The following TOP3B variants were observed in gnomAD, a reference collection of about 807,000 sequenced individuals.
The protein encoded by TOP3B is DNA topoisomerase 3-beta-1.
A neutral mutation model predicts 93.9 loss-of-function variants in TOP3B; 45 were observed. The observed-to-expected ratio is 0.48, with a 90% CI of 0.38 to 0.61. The LOEUF (loss-of-function observed/expected upper bound fraction) is 0.61. Among genes scored for constraint, TOP3B ranks in the 20% least tolerant of loss-of-function variants. The probability of loss-of-function intolerance (pLI) is 0.00; values close to 1 mark genes in which losing one functional copy is unlikely to be tolerated. For missense variants in TOP3B, 750 were observed against 1,156.1 expected (o/e 0.65, Z 5.09); for synonymous variants, 357 against 472.6 (o/e 0.76, Z 3.17).
intron 1 of TOP3B, among the ~76,000 whole-genome samples, chr22:21,979,531 C>T (rs1325973295): frequency 2.0e-5 from 3 of 152,096 alleles, no homozygotes; most frequent in Non-Finnish European, 4.4e-5. Flanking sequence ...TCAGGCTGGG[C>T]ACGGTGGTGC....
rs2071258563 is a variant in TOP3B, at chr22:21,962,995, C to A, written c.1205-102G>T. The A allele has an allele frequency of 2.1e-6, 3 of 1,427,448 alleles. No homozygotes were observed. The East Asian group carries it at 7.1e-5, about 34-fold the overall frequency. The allele number at this position is 1,427,448 out of a possible 1,614,324, so 88.4% of individuals were successfully genotyped here. ...GAGCAGCAAGCTCCTGCTTACAGAGCCGCTGTGCAGGACACACTGCAAATC... is the reference window on the plus strand; with the variant it reads ...GAGCAGCAAGCTCCTGCTTACAGAGACGCTGTGCAGGACACACTGCAAATC... On this transcript the variant is annotated intron_variant, in intron 11 of 17. Coordinates refer to ENST00000357179, the MANE Select transcript of TOP3B (RefSeq NM_001282112.2).
rs1236628451 is a variant in TOP3B at position 21,980,662 on chromosome 22, C to T, written c.-99+2068G>A. ...AATGACGACACTGTCTGCAGATGAG[C>T]TCTCTGGCCCATGACAGCTCCAGCT... On this transcript the variant is annotated intron_variant, in intron 1 of 17. Transcript: ENST00000357179. 2.6e-5 allele frequency among the ~76,000 whole-genome samples: 4 copies of T among 152,256 alleles called. No individual in the cohort carries two copies. The East Asian group carries it at 7.7e-4, about 29-fold the overall frequency.
intron 4 of TOP3B, chr22:21,972,303 C>T: frequency 2.2e-6 from 1 of 460,636 alleles, no homozygotes. Flanking sequence ...TACTTATCTG[C>T]ACTTTCTAAT....
At chr22:21,969,956 G>T in intron 6 of TOP3B, 2 of 288,160 alleles carry the variant, frequency 6.9e-6, no homozygotes, top group African/African-American at 2.4e-5. Flanking sequence ...TTTTTGTAGA[G>T]ATGGGGTCTT....
chr22:21,979,385 A>C (rs992510036), intron 1 of TOP3B, among the ~76,000 whole-genome samples: 1 of 151,978 alleles, frequency 6.6e-6, no homozygotes, highest in Admixed American at 6.5e-5. Flanking sequence ...TGACCCAGGG[A>C]GGGCAAGGGC....
rs536221449 is a variant in TOP3B at position 21,960,323 on chromosome 22, A to G, written c.1652T>C (p.Ile551Thr). 6.2e-7 allele frequency: 1 copy of G among 1,613,344 alleles called. No homozygotes were observed. Among genetic ancestry groups the G allele is most frequent in the Admixed American group, 1.7e-5 (1 of 60,006 alleles). Reference sequence around the variant, plus strand: ...GGGGGCAGGACTGAGGAACTCACCAATCTTATAGTAGCCGTGCACCAGGAC... The same window carrying G: ...GGGGGCAGGACTGAGGAACTCACCAGTCTTATAGTAGCCGTGCACCAGGAC... The part of the protein sequence containing the change: ...GIVLVHGYYK[I>T]DAELVLPTIR... Residue 551 changes from isoleucine to threonine, a missense_variant and splice_region_variant, in exon 14 of 18, where the codon ATT becomes ACT. Ile to Thr is a moderately conservative substitution (Grantham distance 89). This residue lies in a region of TOP3B where 737 missense variants were observed against 933.7 expected (regional missense o/e 0.79). Transcript: ENST00000357179.
chr22:21,980,741 G>T (rs2084612744), intron 1 of TOP3B, among the ~76,000 whole-genome samples: 1 of 152,208 alleles, frequency 6.6e-6, no homozygotes, highest in African/African-American at 2.4e-5. Flanking sequence ...GCGCCAGCAG[G>T]CTTCGGCCTA....
Position 21,961,789 on chromosome 22 carries a change from G to A in TOP3B, c.1525+640C>T, listed in dbSNP as rs954946878. On this transcript the variant is annotated intron_variant, in intron 13 of 17. Coordinates refer to ENST00000357179, the MANE Select transcript of TOP3B (RefSeq NM_001282112.2). ...CAGGGAACAGGCAGTGCCCAGCGGC[G>A]CGAGTGCCACCTGGGGAGAAGGCTC... The A allele has an allele frequency of 8.4e-4, 136 of 162,194 alleles. 1 individual carries two copies. Among genetic ancestry groups the A allele is most frequent in the African/African-American group, 2.9e-3 (123 of 41,728 alleles). 10.0% of individuals were successfully genotyped at this position (162,194 alleles called of 1,614,324 possible).
intron 1 of TOP3B, among the ~76,000 whole-genome samples, chr22:21,979,667 C>T (rs1354440768): frequency 2.7e-5 from 4 of 150,180 alleles, no homozygotes; most frequent in East Asian, 2.0e-4. Context: ...TCTGGCCGGG[C>T]GCGGTGGCTC....
At chr22:21,964,084 T>C (rs1569146395) in intron 10 of TOP3B, 56 bp from the exon 11 acceptor site, 11 of 1,603,938 alleles carry the variant, frequency 6.9e-6, no homozygotes, top group Non-Finnish European at 6.8e-6. Context: ...CCTGCCTGGG[T>C]TTGGCTGACG....
rs1270601428 is a variant in TOP3B at position 21,957,233 on chromosome 22, G to C, written c.2470C>G (p.Arg824Gly). Residue 824 changes from arginine (R) to glycine (G), a missense_variant, in exon 18 of 18, where the codon CGC (arginine) becomes GGC (glycine). Transcript: ENST00000357179. The stretch of plus-strand genomic sequence containing the variant: ...CCCTGCCTTCTCCCTGGTCCACCGC[G>C]GTGCATGGGGTGGCAGGAGGCCGCA... ...KHAASCHPMH[R>G]GGPGRRQGRG... 5 of 1,498,476 alleles carry C rather than the reference G, an allele frequency of 3.3e-6. No homozygotes were observed. The highest frequency in any genetic ancestry group is 4.5e-6 in the Non-Finnish European group (5 of 1,104,744). The allele number at this position is 1,498,476 out of a possible 1,614,324, so 92.8% of individuals were successfully genotyped here. A position where few individuals can be genotyped will look rare whatever the true frequency, so the allele number is the denominator to read the frequency against.
At chr22:21,966,789 G>A (rs552666210) in intron 8 of TOP3B, 192 of 152,522 alleles carry the variant, frequency 1.3e-3, no homozygotes, top group Non-Finnish European at 2.3e-3. Flanking sequence ...AGATGTGGGT[G>A]CTAACAGAGG....
rs1341694900 is a variant in TOP3B, at chr22:21,964,315, C to G, written c.944G>C (p.Gly315Ala). 1.9e-6 allele frequency: 3 copies of G among 1,613,412 alleles called. No individual in the cohort carries two copies. In the East Asian group the frequency reaches 6.7e-5, roughly 36 times the overall value. Residue 315 changes from glycine (G) to alanine (A), a missense_variant and splice_region_variant, in exon 10 of 18, where the codon GGC becomes GCC. Gly to Ala is a moderately conservative substitution (Grantham distance 60, BLOSUM62 0). This residue lies in a region of TOP3B where 737 missense variants were observed against 933.7 expected (regional missense o/e 0.79). Coordinates refer to ENST00000357179, the MANE Select transcript of TOP3B (RefSeq NM_001282112.2). ...EMLRVASSSL[G>A]MGPQHAMQTA... Reference sequence around the variant, plus strand: ...CTGCATGGCGTGCTGCGGCCCCATGCCTGCGAGAGACAGGAGGTTCTCAGA... The same window carrying G: ...CTGCATGGCGTGCTGCGGCCCCATGGCTGCGAGAGACAGGAGGTTCTCAGA...
At position 21,970,378 on chromosome 22, in the gene TOP3B, T is replaced by C; in HGVS notation, c.413A>G (p.Asn138Ser). 8 of 1,613,932 alleles carry C rather than the reference T, an allele frequency of 5.0e-6. No homozygotes were observed. The highest frequency in any genetic ancestry group is 6.8e-6 in the Non-Finnish European group (8 of 1,179,948). The change falls in exon 6 of 18, where the codon AAC becomes AGC. Residue 138 changes from asparagine to serine, a missense_variant. Physicochemically the swap from Asn to Ser is conservative, Grantham distance 46 (BLOSUM62 1). Coordinates refer to ENST00000357179, the MANE Select transcript of TOP3B (RefSeq NM_001282112.2). The surrounding 1 kb of genome is among the most constrained non-coding windows in gnomAD (Gnocchi z 4.4). ...GGTCTTCTCGCCACCATGGGCCTTG[T>C]TCATGACGGGCAGAACAGCATCAAG... ...EVLDAVLPVMNKAHGGEKTVF... is the reference protein window; with the variant it reads ...EVLDAVLPVMSKAHGGEKTVF...
In TOP3B at chr22:21,971,522, CA is replaced by C. The variant is rs1011648253; in HGVS notation, c.384+354del. On this transcript the variant is annotated intron_variant, in intron 5 of 17. Transcript: ENST00000357179. This position sits in a 1 kb window ranked among gnomAD's most constrained non-coding sequence, Gnocchi z 4.6. ...AGTGCTGAGGTCGGGAATCAACCAG[CA>C]TCAACCCAAGGTCCCTGAGAAGTCA... 1 of 361,914 alleles carries C rather than the reference CA, an allele frequency of 2.8e-6. No homozygotes were observed. The highest frequency in any genetic ancestry group is 5.4e-6 in the Non-Finnish European group (1 of 186,096). 22.4% of individuals were successfully genotyped at this position (361,914 alleles called of 1,614,324 possible).
chr22:21,970,027 C>T lies in TOP3B; in HGVS notation c.581+183G>A. 1 of 625,100 alleles carries T rather than the reference C, an allele frequency of 1.6e-6. No individual in the cohort carries two copies. The highest frequency in any genetic ancestry group is 2.7e-6 in the Non-Finnish European group (1 of 369,632). The allele number at this position is 625,100 out of a possible 1,614,324, so 38.7% of individuals were successfully genotyped here. On this transcript the variant is annotated intron_variant, in intron 6 of 17. Transcript: ENST00000357179. This position sits in a 1 kb window ranked among gnomAD's most constrained non-coding sequence, Gnocchi z 4.4. ...TCAAGCAATCCTCCTATCCTGGTCTCCCAAAGTGCAGGGATTACAGGTGTT... is the reference window on the plus strand; with the variant it reads ...TCAAGCAATCCTCCTATCCTGGTCTTCCAAAGTGCAGGGATTACAGGTGTT...
chr22:21,965,170 G>T, intron 9 of TOP3B, 115 bp downstream of exon 9: 2 of 614,704 alleles, frequency 3.3e-6, no homozygotes, highest in Non-Finnish European at 5.2e-6. Flanking sequence ...TCCTCCTGAG[G>T]CTCAGATCCC....
chr22:21,967,567 A>G, intron 8 of TOP3B, 36 bp downstream of exon 8: 5 of 1,575,206 alleles, frequency 3.2e-6, no homozygotes, highest in Non-Finnish European at 4.4e-6. Flanking sequence ...CCCTCACCCA[A>G]GGCAACTGTG....
chr22:21,960,133 G>C, intron 14 of TOP3B, 188 bp downstream of exon 14: 1 of 858,834 alleles, frequency 1.2e-6, no homozygotes, highest in Non-Finnish European at 1.8e-6. Flanking sequence ...CAAACACACT[G>C]AGCTCCTGCT....
Sources: allele counts gnomAD v4.1 joint callset (sites outside exome capture counted in the v4.1 genomes callset), GRCh38; gene constraint gnomAD v4.1.1; regional missense constraint gnomAD v4.1.1; non-coding constraint Gnocchi (gnomAD v3.1); transcripts MANE v1.5; gene names NCBI Gene and HGNC (gene_info 2026-07-23, HGNC 2026-07-21).